Variants in CROCC observed in about 807,000 individuals in gnomAD.
The protein encoded by CROCC is ciliary rootlet coiled-coil, rootletin.
In CROCC, 180 loss-of-function variants were observed where a neutral mutation model predicts 245.2. That is an observed-to-expected ratio of 0.73 (90% CI 0.65 to 0.83). CROCC has a LOEUF of 0.83. CROCC is among the 40% of genes least tolerant of loss of function. CROCC has a pLI of 0.00. For missense variants in CROCC, 2,688 were observed against 2,779.4 expected, an observed-to-expected ratio of 0.97 and a Z score of 0.74; for synonymous variants, 1,205 against 1,241.6, an observed-to-expected ratio of 0.97 and a Z score of 0.62.
At chr1:16,932,891 C>T (rs2075709670) in intron 8 of CROCC, among the ~76,000 whole-genome samples, 1 of 152,294 alleles carries the variant, frequency 6.6e-6, no homozygotes. Context: ...TGGCTCACTA[C>T]AGCCTCAGCC....
intron 26 of CROCC, among the ~76,000 whole-genome samples, chr1:16,959,762 T>TAAGGGA (rs1312795149): frequency 6.6e-6 from 1 of 152,130 alleles, no homozygotes; most frequent in African/African-American, 2.4e-5. Flanking sequence ...GCCTAGTGGT[T>TAAGGGA]AAGGGAACAG....
At chr1:16,944,999 A>C (rs1358766671) in intron 14 of CROCC, among the ~76,000 whole-genome samples, 1 of 152,282 alleles carries the variant, frequency 6.6e-6, no homozygotes, top group East Asian at 1.9e-4. Flanking sequence ...TTGAGAGGCC[A>C]AGGCAGGCAG....
rs530556204 is a variant in CROCC, at chr1:16,966,948, G to C, written c.4860+377G>C. Among the ~76,000 whole-genome samples, 1 of 151,986 alleles carries C rather than the reference G, an allele frequency of 6.6e-6. No individual in the cohort carries two copies. The highest frequency in any genetic ancestry group is 1.5e-5 in the Non-Finnish European group (1 of 67,996). On this transcript the variant is annotated intron_variant, in intron 30 of 36. Transcript: ENST00000375541. This position sits in a 1 kb window ranked among gnomAD's most constrained non-coding sequence, Gnocchi z 4.8. ...TGTGGGCCTGTAGTCCCAGCTACTC[G>C]GGAGGCTGAGGTGGGAAGATCACTG...
chr1:16,934,540 C>G (rs1021111208), intron 8 of CROCC, among the ~76,000 whole-genome samples: 1 of 152,236 alleles, frequency 6.6e-6, no homozygotes, highest in Admixed American at 6.5e-5. Context: ...TGGGCTAAAG[C>G]AGTGCACCTG....
intron 33 of CROCC, 22 bp downstream of exon 33, chr1:16,969,956 C>G (rs2076486956): frequency 6.4e-7 from 1 of 1,564,104 alleles, no homozygotes; most frequent in African/African-American, 1.4e-5. Context: ...GGTGTGCCCC[C>G]TCTGTCCCCA....
In CROCC at chr1:16,946,875, G is replaced by A. The variant is rs1275371583; in HGVS notation, c.2398G>A (p.Ala800Thr). Reference sequence around the variant, plus strand: ...GGAGCTGCGGTTGGAGCAGGAGGTGGCGCGGCAGGGCCTGGAGGGCTCCCT... The same window carrying A: ...GGAGCTGCGGTTGGAGCAGGAGGTGACGCGGCAGGGCCTGGAGGGCTCCCT... ...LEELRLEQEVARQGLEGSLRV... is the reference protein window; with the variant it reads ...LEELRLEQEVTRQGLEGSLRV... The change falls in exon 17 of 37, where the codon GCG (alanine) becomes ACG (threonine). Residue 800 changes from alanine to threonine, a missense_variant. By Grantham distance (58) the Ala-to-Thr change is moderately conservative (BLOSUM62 0). Transcript: ENST00000375541. The A allele has an allele frequency of 9.0e-6, 14 of 1,560,200 alleles. No individual in the cohort carries two copies. The highest frequency in any genetic ancestry group is 1.2e-5 in the Non-Finnish European group (14 of 1,152,202).
chr1:16,922,368 T>C (rs1244582494), intron 1 of CROCC, among the ~76,000 whole-genome samples: 1 of 152,278 alleles, frequency 6.6e-6, no homozygotes, highest in Non-Finnish European at 1.5e-5. Context: ...TCCTCATCCA[T>C]CTAGGGTCGG....
In CROCC at chr1:16,969,841, C is replaced by T; in HGVS notation, c.5358C>T (p.Ser1786=). Residue 1786 remains serine (S), a synonymous_variant, in exon 33 of 37, where the codon TCC becomes TCT. Coordinates refer to ENST00000375541, the MANE Select transcript of CROCC (RefSeq NM_014675.5). ...CTGAGGCACGGAAGCAGAGCAGCTC[C>T]CTGGGCGAGCAGGTGCAGACGTTGC... ...ALSEARKQSS[S]LGEQVQTLRG... 1 of 1,613,328 alleles carries T rather than the reference C, an allele frequency of 6.2e-7. No homozygotes were observed. The highest frequency in any genetic ancestry group is 2.2e-5 in the East Asian group (1 of 44,868).
At position 16,970,322 on chromosome 1, in the gene CROCC, C is replaced by T. The variant is rs769350094; in HGVS notation, c.5521C>T (p.Arg1841Trp). 6.9e-6 allele frequency: 11 copies of T among 1,585,654 alleles called. No individual in the cohort carries two copies. The East Asian group carries it at 9.3e-5, about 13-fold the overall frequency. ...CGTCCAGAAGCTGCAAGACGAGCGGCGGCTGCTGCAGGAGCGCCTGGGAAG... is the reference window on the plus strand; with the variant it reads ...CGTCCAGAAGCTGCAAGACGAGCGGTGGCTGCTGCAGGAGCGCCTGGGAAG... ...NTVQKLQDER[R>W]LLQERLGSLQ... Residue 1841 changes from arginine to tryptophan, a missense_variant, in exon 34 of 37, where the codon CGG (arginine) becomes TGG (tryptophan). Transcript: ENST00000375541.
intron 18 of CROCC, 53 bp from the exon 19 acceptor site, chr1:16,948,746 C>G (rs1445251263): frequency 6.2e-7 from 1 of 1,603,410 alleles, no homozygotes; most frequent in African/African-American, 1.3e-5. Context: ...TCCACAGTTT[C>G]CTGGGGCCAG....
intron 25 of CROCC, among the ~76,000 whole-genome samples, chr1:16,958,122 T>C (rs2076276212): frequency 6.6e-6 from 1 of 152,222 alleles, no homozygotes; most frequent in Non-Finnish European, 1.5e-5. Flanking sequence ...GGCTCAGTTT[T>C]CTCATCTGTT....
At chr1:16,956,606 G>C (rs2076253640) in intron 25 of CROCC, among the ~76,000 whole-genome samples, 1 of 152,140 alleles carries the variant, frequency 6.6e-6, no homozygotes, top group African/African-American at 2.4e-5. Flanking sequence ...ATGAACAGAG[G>C]GGTGTGGGTT....
rs1461195386 is a variant in CROCC, at chr1:16,965,763, C to T, written c.4446C>T (p.Cys1482=). The part of the protein sequence containing the change: ...EGLNSPSTLE[C]SPGSQPPSPG... ...TCAACAGCCCCAGCACCTTAGAATG[C>T]AGCCCTGGGTCCCAGCCACCATCTC... The change falls in exon 28 of 37, where the codon TGC becomes TGT. Residue 1482 remains cysteine, a synonymous_variant. Coordinates refer to ENST00000375541, the MANE Select transcript of CROCC (RefSeq NM_014675.5). 3.7e-6 allele frequency: 6 copies of T among 1,613,808 alleles called. No homozygotes were observed. The highest frequency in any genetic ancestry group is 2.2e-5 in the South Asian group (2 of 91,080).
upstream of CROCC, among the ~76,000 whole-genome samples, chr1:16,919,186 AC>A (rs2075353897): frequency 6.6e-6 from 1 of 152,288 alleles, no homozygotes; most frequent in Admixed American, 6.5e-5. Flanking sequence ...GAGCATTTAT[AC>A]AGCACCGTGG....
intron 1 of CROCC, among the ~76,000 whole-genome samples, chr1:16,915,165 A>G (rs1487210081): frequency 6.6e-6 from 1 of 152,280 alleles, no homozygotes; most frequent in East Asian, 1.9e-4. Context: ...GGGATGCGGC[A>G]GATGCTGGCT....
chr1:16,922,591 T>C (rs2075432199), intron 1 of CROCC, 72 bp from the exon 2 acceptor site: 3 of 1,521,332 alleles, frequency 2.0e-6, no homozygotes, highest in Non-Finnish European at 2.6e-6. Context: ...AGTAGGATTC[T>C]GTGGCTCTCC....
At chr1:16,918,732 T>TTTTTTG (rs1259395344), upstream of CROCC, among the ~76,000 whole-genome samples, 17 of 45,874 alleles carry the variant, frequency 3.7e-4, no homozygotes, top group Non-Finnish European at 5.3e-4. Flanking sequence ...GCCGGTTTAG[T>TTTTTTG]TTTTTGTTTT....
chr1:16,942,316 CAAG>C (rs2075951144), intron 13 of CROCC, among the ~76,000 whole-genome samples: 1 of 152,278 alleles, frequency 6.6e-6, no homozygotes, highest in African/African-American at 2.4e-5. Context: ...ATTTTTAAGA[CAAG>C]AAATTATCCA....
intron 14 of CROCC, among the ~76,000 whole-genome samples, chr1:16,945,153 A>G (rs879527275): frequency 6.6e-6 from 1 of 152,270 alleles, no homozygotes; most frequent in Admixed American, 6.5e-5. Flanking sequence ...GAATTGCTTG[A>G]ACCTGGGAGG....
Sources: allele counts gnomAD v4.1 joint callset (sites outside exome capture counted in the v4.1 genomes callset), GRCh38; gene constraint gnomAD v4.1.1; non-coding constraint Gnocchi (gnomAD v3.1); transcripts MANE v1.5; gene names NCBI Gene and HGNC (gene_info 2026-07-23, HGNC 2026-07-21).